FRMPD1: variants seen among roughly 807,000 people sequenced by gnomAD.
The protein encoded by FRMPD1 is FERM and PDZ domain containing 1.
In FRMPD1, 76 loss-of-function variants were observed where a neutral mutation model predicts 117.8. That is an observed-to-expected ratio of 0.65 (90% confidence interval 0.54 to 0.78). The LOEUF is 0.78. Among genes scored for constraint, FRMPD1 ranks in the 30% least tolerant of loss-of-function variants. FRMPD1 has a pLI of 0.00. For synonymous variants in FRMPD1, 783 were observed against 770.4 expected, an observed-to-expected ratio of 1.02 and a Z score of -0.27; for missense variants, 1,786 against 1,964.5, an observed-to-expected ratio of 0.91 and a Z score of 1.72.
At chr9:37,607,333 C>T in the FRMPD1 span, among the ~76,000 whole-genome samples, 4 of 151,944 alleles carry the variant, frequency 2.6e-5, no homozygotes, top group Non-Finnish European at 5.9e-5. Flanking sequence ...TCATTAGAAA[C>T]AAAAGAATCC....
intron 1 of FRMPD1, among the ~76,000 whole-genome samples, chr9:37,667,315 C>T (rs62533864): frequency 0.11 from 17,173 of 150,766 alleles, 1,068 homozygotes; most frequent in Middle Eastern, 0.18. Context: ...ATCTGCCCAC[C>T]TCAGCCTCCC....
chr9:37,650,669 C>A (rs1330622921), upstream of FRMPD1, among the ~76,000 whole-genome samples: 1 of 152,158 alleles, frequency 6.6e-6, no homozygotes, highest in Non-Finnish European at 1.5e-5. Context: ...CCTTTCCTCT[C>A]CCAGCCTCAG....
chr9:37,702,100 A>ACT (rs1822554644), intron 2 of FRMPD1, among the ~76,000 whole-genome samples: 1 of 152,226 alleles, frequency 6.6e-6, no homozygotes, highest in South Asian at 2.1e-4. Flanking sequence ...GTTGAGCTAT[A>ACT]TATCGAGTTA....
At chr9:37,681,633 T>C (rs1372408582) in intron 1 of FRMPD1, among the ~76,000 whole-genome samples, 5 of 152,230 alleles carry the variant, frequency 3.3e-5, no homozygotes, top group Admixed American at 3.3e-4. Context: ...CCCTAAAATA[T>C]CTGCCAATAA....
At chr9:37,633,027 A>ATT in the FRMPD1 span, among the ~76,000 whole-genome samples, 993 of 47,942 alleles carry the variant, frequency 0.021, 9 homozygotes, top group African/African-American at 0.053. Flanking sequence ...TTATATATAT[A>ATT]TATATTTTTC....
chr9:37,716,023 C>T (rs778505820), intron 5 of FRMPD1, among the ~76,000 whole-genome samples: 104 of 152,246 alleles, frequency 6.8e-4, no homozygotes, highest in Non-Finnish European at 1.0e-3. Flanking sequence ...TGAGAGCTTT[C>T]GGGACAAGAG....
the FRMPD1 span, among the ~76,000 whole-genome samples, chr9:37,631,122 TGAA>T: frequency 1.3e-5 from 2 of 152,106 alleles, no homozygotes; most frequent in South Asian, 2.1e-4. Flanking sequence ...GCCTGGGTCT[TGAA>T]GAAGAAGAGA....
intron 2 of FRMPD1, among the ~76,000 whole-genome samples, chr9:37,705,468 T>G (rs1448005346): frequency 6.6e-6 from 1 of 152,164 alleles, no homozygotes. Flanking sequence ...GCTATTTTTT[T>G]GTATTTTTAA....
intron 2 of FRMPD1, chr9:37,693,162 A>G (rs953078649): frequency 6.2e-6 from 1 of 161,392 alleles, no homozygotes; most frequent in East Asian, 1.7e-4. Flanking sequence ...AGTACTTGAC[A>G]TGAAGGTCAG....
In FRMPD1 at chr9:37,745,958, G is replaced by T. The variant is rs1486636109; in HGVS notation, c.3926G>T (p.Ser1309Ile). The T allele has an allele frequency of 1.2e-6, 2 of 1,614,124 alleles. No homozygotes were observed. Among genetic ancestry groups the T allele is most frequent in the East Asian group, 4.5e-5 (2 of 44,902 alleles). The part of the protein sequence containing the change: ...APESHPEVSA[S>I]LRVATSLGFA... ...GAAAGCCATCCTGAAGTCTCTGCCA[G>T]TCTCAGGGTGGCCACATCTTTGGGT... The change falls in exon 16 of 16, where the codon AGT becomes ATT. Residue 1309 changes from serine (S) to isoleucine (I), a missense_variant. Physicochemically the swap from Ser to Ile is moderately radical, Grantham distance 142. Transcript: ENST00000377765.
chr9:37,746,561 G>C lies in FRMPD1; in HGVS notation c.4529G>C (p.Cys1510Ser). The C allele has an allele frequency of 6.2e-7, 1 of 1,613,752 alleles. No homozygotes were observed. Among genetic ancestry groups the C allele is most frequent in the East Asian group, 2.2e-5 (1 of 44,884 alleles). The change falls in exon 16 of 16, where the codon TGT becomes TCT. Residue 1510 changes from cysteine (C) to serine (S), a missense_variant. Cys to Ser is a moderately radical substitution (Grantham distance 112). Coordinates refer to ENST00000377765, the MANE Select transcript of FRMPD1 (RefSeq NM_014907.3). ...GGCCTGTGCTTTCAGTTCACAGACT[G>C]TAGCCGCTGCTCCGCCCGGCACAGG... ...LAGLCFQFTDCSRCSARHREA... is the reference protein window; with the variant it reads ...LAGLCFQFTDSSRCSARHREA...
chr9:37,710,054 A>G (rs868260499), intron 4 of FRMPD1, among the ~76,000 whole-genome samples: 39 of 152,320 alleles, frequency 2.6e-4, no homozygotes, highest in African/African-American at 8.2e-4. Flanking sequence ...TCACGTGTAA[A>G]AGGTAAAACA....
intron 1 of FRMPD1, among the ~76,000 whole-genome samples, chr9:37,675,575 G>A (rs67038738): frequency 0.23 from 35,207 of 152,040 alleles, 4,213 homozygotes; most frequent in Middle Eastern, 0.28. Flanking sequence ...ACTCTCAGGT[G>A]GATGCCTGGG....
At position 37,745,462 on chromosome 9, in the gene FRMPD1, G is replaced by A. The variant is rs765404547; in HGVS notation, c.3430G>A (p.Val1144Ile). 1 of 1,613,890 alleles carries A rather than the reference G, an allele frequency of 6.2e-7. No homozygotes were observed. Among genetic ancestry groups the A allele is most frequent in the South Asian group, 1.1e-5 (1 of 91,076 alleles). ...GDSPGDVSNN[V>I]SQTLDISSPA... ...CTCCCCGGGTGATGTGTCAAATAAT[G>A]TTTCACAGACTCTTGATATTAGCTC... Residue 1144 changes from valine (V) to isoleucine (I), a missense_variant, in exon 16 of 16, where the codon GTT (valine) becomes ATT (isoleucine). Transcript: ENST00000377765.
chr9:37,724,354 G>A, intron 7 of FRMPD1, 34 bp downstream of exon 7: 1 of 1,183,366 alleles, frequency 8.5e-7, no homozygotes, highest in Non-Finnish European at 1.3e-6. Flanking sequence ...CTTTTCCCAA[G>A]AAGAATGTTC....
intron 4 of FRMPD1, 86 bp downstream of exon 4, chr9:37,708,587 C>T: frequency 1.2e-6 from 1 of 820,946 alleles, no homozygotes. Flanking sequence ...AACTGATCCC[C>T]TGATTTTAAT....
chr9:37,746,663 G>C lies in FRMPD1; in HGVS notation c.4631G>C (p.Arg1544Thr). 6.2e-7 allele frequency: 1 copy of C among 1,614,122 alleles called. No individual in the cohort carries two copies. The highest frequency in any genetic ancestry group is 8.5e-7 in the Non-Finnish European group (1 of 1,179,992). ...FIEAAKSTCERGYHDLSVKLL... is the reference protein window; with the variant it reads ...FIEAAKSTCETGYHDLSVKLL... ...GAGGCTGCTAAATCGACCTGCGAGAGAGGCTACCACGACCTGAGTGTGAAA... is the reference window on the plus strand; with the variant it reads ...GAGGCTGCTAAATCGACCTGCGAGACAGGCTACCACGACCTGAGTGTGAAA... Residue 1544 changes from arginine (R) to threonine (T), a missense_variant, in exon 16 of 16, where the codon AGA becomes ACA. Physicochemically the swap from Arg to Thr is moderately conservative, Grantham distance 71 (BLOSUM62 -1). Transcript: ENST00000377765.
At chr9:37,606,117 A>G in the FRMPD1 span, among the ~76,000 whole-genome samples, 2 of 152,202 alleles carry the variant, frequency 1.3e-5, no homozygotes, top group African/African-American at 4.8e-5. Context: ...GTAGGGGCTA[A>G]GGTTATGGCA....
chr9:37,657,653 C>T (rs965179608), intron 1 of FRMPD1, among the ~76,000 whole-genome samples: 13 of 152,226 alleles, frequency 8.5e-5, no homozygotes, highest in Non-Finnish European at 1.6e-4. Context: ...TTCTCAAGCT[C>T]ATTCCTGGTT....
Sources: gnomAD v4.1 joint callset for allele counts (sites outside exome capture counted in the v4.1 genomes callset) on GRCh38, gnomAD v4.1.1 for gene constraint, MANE v1.5 for transcripts, NCBI Gene and HGNC (gene_info 2026-07-23, HGNC 2026-07-21) for gene names.